Variants in RPH3A observed in about 807,000 individuals in gnomAD.
RPH3A encodes the protein rabphilin-3A.
A neutral mutation model predicts 102.2 loss-of-function variants in RPH3A; 48 were observed. The observed-to-expected ratio is 0.47, with a 90% CI of 0.37 to 0.60. RPH3A has a LOEUF of 0.60. Ranked by LOEUF, RPH3A falls within the 20% of genes least tolerant of loss-of-function variation. The pLI is 0.00. For synonymous variants in RPH3A, 310 were observed against 324.3 expected (o/e 0.96, Z 0.47); for missense variants, 781 against 910.1 (o/e 0.86, Z 1.83).
chr12:112,589,950 G>A (rs146688551), intron 1 of RPH3A, among the ~76,000 whole-genome samples: 9 of 152,220 alleles, frequency 5.9e-5, no homozygotes, highest in African/African-American at 2.2e-4. Context: ...GGGCGTGATA[G>A]TGCACACCTG....
intron 1 of RPH3A, among the ~76,000 whole-genome samples, chr12:112,679,299 G>A (rs763104445): frequency 2.6e-5 from 4 of 151,952 alleles, no homozygotes; most frequent in Admixed American, 6.6e-5. Flanking sequence ...GACTACAGGC[G>A]CATGCCACGA....
intron 5 of RPH3A, among the ~76,000 whole-genome samples, chr12:112,864,028 G>C (rs1031269427): frequency 6.6e-6 from 1 of 152,208 alleles, no homozygotes; most frequent in Non-Finnish European, 1.5e-5. Flanking sequence ...TTCACAATCA[G>C]CTAATTATTT....
chr12:112,649,505 T>C (rs1417992241), intron 1 of RPH3A: 2 of 152,214 alleles, frequency 1.3e-5, no homozygotes, highest in African/African-American at 2.4e-5. Context: ...TCCCCATCTG[T>C]ATTAAAGATT....
chr12:112,727,636 T>G (rs558535568), intron 1 of RPH3A, among the ~76,000 whole-genome samples: 1 of 151,928 alleles, frequency 6.6e-6, no homozygotes, highest in African/African-American at 2.4e-5. Flanking sequence ...AACTTAAACT[T>G]GGAGGGATAG....
intron 1 of RPH3A, among the ~76,000 whole-genome samples, chr12:112,661,400 A>G (rs1485494077): frequency 6.6e-6 from 1 of 152,194 alleles, no homozygotes; most frequent in Admixed American, 6.6e-5. Context: ...AAGGGGGATA[A>G]CTACAGCCCC....
chr12:112,862,244 C>T (rs774877451), intron 5 of RPH3A, among the ~76,000 whole-genome samples: 6 of 149,410 alleles, frequency 4.0e-5, no homozygotes, highest in Admixed American at 2.7e-4. Flanking sequence ...AGTCCCCCCC[C>T]CAAAAAAAAA....
In RPH3A at chr12:112,633,135, A is replaced by G. The variant is rs140653820; in HGVS notation, c.-140+57816A>G. 9.4e-4 allele frequency among the ~76,000 whole-genome samples: 143 copies of G among 152,262 alleles called. 1 individual carries two copies. The highest frequency in any genetic ancestry group is 3.2e-3 in the African/African-American group (133 of 41,554). ...GGCAGGAGAATCACTTGAGCCCAGG[A>G]GTTCACTTGAGCTATGATCATGCTG... On this transcript the variant is annotated intron_variant, in intron 1 of 21. Coordinates refer to the RPH3A transcript ENST00000543106.
chr12:112,794,492 G>T (rs1227559590), intron 2 of RPH3A, among the ~76,000 whole-genome samples: 6 of 152,162 alleles, frequency 3.9e-5, no homozygotes, highest in African/African-American at 7.2e-5. Context: ...CTGGAAAGGG[G>T]TCTGCTTTAT....
At chr12:112,870,738 T>C (rs772573957) in intron 10 of RPH3A, among the ~76,000 whole-genome samples, 1 of 152,192 alleles carries the variant, frequency 6.6e-6, no homozygotes, top group Non-Finnish European at 1.5e-5. Flanking sequence ...TGTGTGTTTG[T>C]AGCTTAGCAC....
chr12:112,782,782 G>T (rs1473818130), intron 1 of RPH3A, among the ~76,000 whole-genome samples: 1 of 152,106 alleles, frequency 6.6e-6, no homozygotes, highest in Non-Finnish European at 1.5e-5. Flanking sequence ...CCTGGTATGG[G>T]ATGTGCCACT....
At chr12:112,590,113 T>C (rs2039467253) in intron 1 of RPH3A, among the ~76,000 whole-genome samples, 1 of 150,388 alleles carries the variant, frequency 6.6e-6, no homozygotes, top group African/African-American at 2.5e-5. Flanking sequence ...GGAAAAATAA[T>C]AATAGGGCCA....
At chr12:112,741,173 A>C (rs767103) in intron 1 of RPH3A, among the ~76,000 whole-genome samples, 111,957 of 152,114 alleles carry the variant, frequency 0.74, 41,629 homozygotes, top group East Asian at 0.86. Context: ...TGAGCTGGAC[A>C]ATGGCTCAAA....
At chr12:112,585,064 A>C (rs1475420480) in intron 1 of RPH3A, among the ~76,000 whole-genome samples, 1 of 151,930 alleles carries the variant, frequency 6.6e-6, no homozygotes, top group African/African-American at 2.4e-5. Flanking sequence ...CCAAAAGTCC[A>C]AAAGCTGAAG....
At chr12:112,729,903 G>A (rs2040621232) in intron 1 of RPH3A, among the ~76,000 whole-genome samples, 1 of 152,172 alleles carries the variant, frequency 6.6e-6, no homozygotes. Flanking sequence ...AAATAGCGTT[G>A]CAGATATAAT....
At chr12:112,783,009 G>A (rs1592996496) in intron 1 of RPH3A, among the ~76,000 whole-genome samples, 3 of 152,188 alleles carry the variant, frequency 2.0e-5, no homozygotes, top group Admixed American at 6.5e-5. Context: ...GGCTGTGCCA[G>A]TTTCCCTTGC....
chr12:112,798,575 C>T (rs923886551), intron 2 of RPH3A, among the ~76,000 whole-genome samples: 10 of 152,130 alleles, frequency 6.6e-5, no homozygotes, highest in African/African-American at 1.4e-4. Flanking sequence ...TCTCGAAGTT[C>T]GTTGGGAGGC....
intron 1 of RPH3A, among the ~76,000 whole-genome samples, chr12:112,620,926 G>A (rs1016014658): frequency 2.6e-5 from 4 of 152,082 alleles, no homozygotes; most frequent in African/African-American, 9.6e-5. Flanking sequence ...ATCACCCGGG[G>A]CCAACTCACT....
At chr12:112,581,330 C>A (rs965306758) in intron 1 of RPH3A, among the ~76,000 whole-genome samples, 1 of 152,094 alleles carries the variant, frequency 6.6e-6, no homozygotes, top group Non-Finnish European at 1.5e-5. Context: ...CATCAGACCT[C>A]GTGAGGCTTA....
intron 2 of RPH3A, among the ~76,000 whole-genome samples, chr12:112,817,652 T>A (rs2041701009): frequency 6.6e-6 from 1 of 152,044 alleles, no homozygotes; most frequent in Non-Finnish European, 1.5e-5. Flanking sequence ...TCATCCTGAC[T>A]TTTAATACTG....
Sources: allele counts gnomAD v4.1 joint callset (sites outside exome capture counted in the v4.1 genomes callset), GRCh38; gene constraint gnomAD v4.1.1; transcripts MANE v1.5; gene names NCBI Gene and HGNC (gene_info 2026-07-23, HGNC 2026-07-21).